ADGRF5: variants seen among roughly 807,000 people sequenced by gnomAD.
ADGRF5 encodes adhesion G protein-coupled receptor F5, also known as G-protein coupled receptor 116.
A neutral mutation model predicts 132.3 loss-of-function variants in ADGRF5; 75 were observed. That is an observed-to-expected ratio of 0.57 (90% CI 0.47 to 0.69). The LOEUF (loss-of-function observed/expected upper bound fraction) is 0.69. Ranked by LOEUF, ADGRF5 falls within the 30% of genes least tolerant of loss-of-function variation. ADGRF5 has a pLI of 0.00. For missense variants in ADGRF5, 1,516 were observed against 1,630.6 expected, an observed-to-expected ratio of 0.93 and a Z score of 1.21; for synonymous variants, 629 against 597.6, an observed-to-expected ratio of 1.05 and a Z score of -0.77.
chr6:46,898,898 G>A (rs115178959), intron 3 of ADGRF5, among the ~76,000 whole-genome samples: 3,550 of 152,302 alleles, frequency 0.023, 43 homozygotes, highest in Middle Eastern at 0.037. Flanking sequence ...AATTCAGAAA[G>A]GTGCTGTAAT....
intron 3 of ADGRF5, among the ~76,000 whole-genome samples, chr6:46,898,165 C>T (rs1366252410): frequency 2.6e-5 from 4 of 152,336 alleles, no homozygotes; most frequent in Admixed American, 1.3e-4. Flanking sequence ...TACCCCCTCA[C>T]GTTGTCACCA....
At chr6:46,904,808 G>C (rs1047805882) in intron 2 of ADGRF5, among the ~76,000 whole-genome samples, 2 of 152,166 alleles carry the variant, frequency 1.3e-5, no homozygotes, top group African/African-American at 4.8e-5. Context: ...GGCAGCTTAG[G>C]GCAGTATAAA....
chr6:46,882,810 G>A (rs1465115816), intron 6 of ADGRF5, among the ~76,000 whole-genome samples: 1 of 152,232 alleles, frequency 6.6e-6, no homozygotes, highest in African/African-American at 2.4e-5. Flanking sequence ...ACTTCATCAA[G>A]GCACTCATGG....
At position 46,859,268 on chromosome 6, in the gene ADGRF5, C is replaced by T. The variant is rs2150781389; in HGVS notation, c.2635G>A (p.Gly879Ser). Residue 879 changes from glycine to serine, a missense_variant, in exon 17 of 21, where the codon GGC becomes AGC. Physicochemically the swap from Gly to Ser is moderately conservative, Grantham distance 56. Around this residue, in one of 2 missense-constraint regions of ADGRF5, gnomAD observed 571 missense variants for 701.2 expected, o/e 0.81. Transcript: ENST00000283296. The part of the protein sequence containing the change: ...RFVFPYFDLW[G>S]NVVIDKSYLE... ...TAGCTCTTGTCAATGACCACATTGCCCCAGAGGTCAAAGTATGGGAAAACA... is the reference window on the plus strand; with the variant it reads ...TAGCTCTTGTCAATGACCACATTGCTCCAGAGGTCAAAGTATGGGAAAACA... 2 of 1,613,972 alleles carry T rather than the reference C, an allele frequency of 1.2e-6. No homozygotes were observed. The highest frequency in any genetic ancestry group is 2.2e-5 in the East Asian group (1 of 44,882).
At chr6:46,954,658 C>T (rs762430595) in intron 1 of ADGRF5, 3 of 152,192 alleles carry the variant, frequency 2.0e-5, no homozygotes, top group Non-Finnish European at 4.4e-5. Flanking sequence ...AGAAAAGCCA[C>T]GTGGAAATGC....
upstream of ADGRF5, among the ~76,000 whole-genome samples, chr6:46,924,170 C>T (rs564767774): frequency 1.3e-5 from 2 of 152,276 alleles, no homozygotes; most frequent in Admixed American, 6.5e-5. Flanking sequence ...ACACAGGTAA[C>T]GTTTAGTCTC....
intron 4 of ADGRF5, chr6:46,888,052 T>TCTGCCCAAAGGAAGAGGACCCAG: frequency 3.3e-6 from 1 of 303,690 alleles, no homozygotes; most frequent in Non-Finnish European, 6.2e-6. Flanking sequence ...CAGTAGTTTA[T>TCTGCCCAAAGGAAGAGGACCCAG]TATGAAGGAC....
At chr6:46,866,707 A>G (rs1248863709) in intron 13 of ADGRF5, among the ~76,000 whole-genome samples, 1 of 152,048 alleles carries the variant, frequency 6.6e-6, no homozygotes, top group African/African-American at 2.4e-5. Flanking sequence ...ATTAAAAAAA[A>G]AGGCTCCACC....
intron 2 of ADGRF5, 152 bp from the exon 3 acceptor site, chr6:46,900,235 C>A (rs183070423): frequency 6.8e-5 from 44 of 642,664 alleles, no homozygotes; most frequent in Non-Finnish European, 8.5e-6. Context: ...GGGCACATAG[C>A]AATGAAATGG....
intron 3 of ADGRF5, among the ~76,000 whole-genome samples, chr6:46,899,514 C>G (rs761502922): frequency 1.3e-5 from 2 of 152,152 alleles, no homozygotes; most frequent in East Asian, 3.8e-4. Flanking sequence ...TCACCTACCC[C>G]TAACCCTCCA....
Position 46,858,443 on chromosome 6 carries a change from C to A in ADGRF5, c.3460G>T (p.Glu1154Ter), listed in dbSNP as rs1487747451. 2 of 1,613,802 alleles carry A rather than the reference C, an allele frequency of 1.2e-6. No homozygotes were observed. The highest frequency in any genetic ancestry group is 1.7e-6 in the Non-Finnish European group (2 of 1,179,852). ...VITLGATQPREVYTRKNVCWL... is the reference protein window; with the variant it reads ...VITLGATQPR ...CAGACATTCTTCCTCGTATAGACTT[C>A]CCGGGGCTGGGTGGCTCCCAGCGTG... Residue 1154 changes from glutamate (E) to a stop codon, truncating the protein, a stop_gained, in exon 17 of 21, where the codon GAA (glutamate) becomes TAA (stop). Transcript: ENST00000283296. LOFTEE classifies it high-confidence loss of function.
chr6:46,856,141 C>T lies in ADGRF5; in HGVS notation c.3877-83G>A, dbSNP rs1436848994. ...TCCATCTCTAGAAGGATTGATTTTC[C>T]ACCCTCTAGTGGTCACTGCCGGAAT... On this transcript the variant is annotated intron_variant, in intron 19 of 20. Coordinates refer to ENST00000283296, the MANE Select transcript of ADGRF5 (RefSeq NM_001098518.2). 12 of 782,626 alleles carry T rather than the reference C, an allele frequency of 1.5e-5. No individual in the cohort carries two copies. The South Asian group carries it at 1.6e-4, about 10-fold the overall frequency. The allele number at this position is 782,626 out of a possible 1,614,324, so 48.5% of individuals were successfully genotyped here.
chr6:46,857,236 G>T (rs886192832), intron 17 of ADGRF5, among the ~76,000 whole-genome samples: 1 of 152,162 alleles, frequency 6.6e-6, no homozygotes, highest in African/African-American at 2.4e-5. Flanking sequence ...GCTATGGGGT[G>T]GGATAACTAG....
chr6:46,937,251 T>A (rs1050837902), intron 1 of ADGRF5, among the ~76,000 whole-genome samples: 17 of 146,284 alleles, frequency 1.2e-4, no homozygotes, highest in Admixed American at 6.8e-4. Context: ...TGTGTGTGTG[T>A]GAGTGTGTGT....
chr6:46,869,555 C>A (rs927806181), intron 11 of ADGRF5, among the ~76,000 whole-genome samples: 1 of 152,094 alleles, frequency 6.6e-6, no homozygotes, highest in African/African-American at 2.4e-5. Context: ...CTTTTAATAT[C>A]TCCCCTCCAT....
intron 15 of ADGRF5, among the ~76,000 whole-genome samples, chr6:46,862,479 T>A (rs1419555890): frequency 6.6e-6 from 1 of 152,094 alleles, no homozygotes; most frequent in Admixed American, 6.6e-5. Flanking sequence ...CTATTTTTTT[T>A]AAAGAAATTG....
At chr6:46,935,907 G>A (rs1582063604) in intron 1 of ADGRF5, among the ~76,000 whole-genome samples, 1 of 152,146 alleles carries the variant, frequency 6.6e-6, no homozygotes, top group Non-Finnish European at 1.5e-5. Context: ...GTAGGGGGAC[G>A]GGGTGAAGGC....
chr6:46,940,865 C>T lies in ADGRF5; in HGVS notation c.-25+13869G>A, dbSNP rs142969080. Among the ~76,000 whole-genome samples, 1,098 of 152,196 alleles carry T rather than the reference C, an allele frequency of 7.2e-3. 10 individuals are homozygous for T. The highest frequency in any genetic ancestry group is 0.025 in the African/African-American group (1,036 of 41,484). ...CTAAAAGTTAAAGGAGCACTTACAG[C>T]AAAGAAGATAAGGGATTTAGTAATT... is the stretch of plus-strand genomic sequence containing the variant. On this transcript the variant is annotated intron_variant, in intron 1 of 20. Coordinates refer to the ADGRF5 transcript ENST00000265417.
Position 46,859,523 on chromosome 6 carries a change from G to A in ADGRF5, c.2380C>T (p.His794Tyr). The change falls in exon 17 of 21, where the codon CAC (histidine) becomes TAC (tyrosine). Residue 794 changes from histidine to tyrosine, a missense_variant and splice_region_variant. Transcript: ENST00000283296. The stretch of plus-strand genomic sequence containing the variant: ...ATGACATTAACCGTAGAGAGCACGT[G>A]CTGAAAGTGAAATGGTATGGGGTCA... ...PTQVNSEMMT[H>Y]VLSTVNVILG... is the part of the protein sequence containing the mutation. 6.3e-7 allele frequency: 1 copy of A among 1,589,058 alleles called. No individual in the cohort carries two copies. The highest frequency in any genetic ancestry group is 2.2e-5 in the East Asian group (1 of 44,588).
Sources: allele counts gnomAD v4.1 joint callset (sites outside exome capture counted in the v4.1 genomes callset), GRCh38; gene constraint gnomAD v4.1.1; regional missense constraint gnomAD v4.1.1; transcripts MANE v1.5; gene names NCBI Gene and HGNC (gene_info 2026-07-23, HGNC 2026-07-21).